UNC79: variants seen among roughly 807,000 people sequenced by gnomAD.
The protein encoded by UNC79 is unc-79 subunit of NALCN channel complex, also known as protein unc-79 homolog.
UNC79 carries 37 observed loss-of-function variants against 283.1 expected under a neutral mutation model. The ratio of observed to expected loss-of-function variants is 0.13; its 90% CI spans 0.10 to 0.17. The LOEUF (loss-of-function observed/expected upper bound fraction) is 0.17. Ranked by LOEUF, UNC79 falls within the 10% of genes least tolerant of loss-of-function variation. The probability of loss-of-function intolerance (pLI) is 1.00; values close to 1 mark genes in which losing one functional copy is unlikely to be tolerated. For missense variants in UNC79, 2,272 were observed against 3,211.1 expected (o/e 0.71, Z 7.07); for synonymous variants, 1,107 against 1,200.2 (o/e 0.92, Z 1.61).
In UNC79 at chr14:93,512,062, T is replaced by G. The variant is rs77219814; in HGVS notation, c.899-11916T>G. Among the ~76,000 whole-genome samples, 451 of 152,288 alleles carry G rather than the reference T, an allele frequency of 3.0e-3. 1 individual carries two copies. The highest frequency in any genetic ancestry group is 0.01 in the African/African-American group (428 of 41,560). On this transcript the variant is annotated intron_variant, in intron 7 of 48. Transcript: ENST00000555664. Reference sequence around the variant, plus strand: ...TTTACTAGCATTCATTTAAAAATATTTAAACACTTTAATTGCTCTATCTTT... The same window carrying G: ...TTTACTAGCATTCATTTAAAAATATGTAAACACTTTAATTGCTCTATCTTT...
At chr14:93,672,522 G>A (rs368669437) in intron 40 of UNC79, among the ~76,000 whole-genome samples, 2 of 152,174 alleles carry the variant, frequency 1.3e-5, no homozygotes, top group African/African-American at 4.8e-5. Flanking sequence ...AAGGGTGTGT[G>A]TGGGGAGGAT....
At chr14:93,654,355 G>T (rs1206587254) in intron 37 of UNC79, among the ~76,000 whole-genome samples, 1 of 151,712 alleles carries the variant, frequency 6.6e-6, no homozygotes, top group Non-Finnish European at 1.5e-5. Context: ...AAATTAGCTG[G>T]CATGGTGACA....
chr14:93,643,299 A>C (rs1217690517), intron 33 of UNC79, among the ~76,000 whole-genome samples: 1 of 152,216 alleles, frequency 6.6e-6, no homozygotes, highest in African/African-American at 2.4e-5. Flanking sequence ...AGTCACTCAC[A>C]TGCAGGCCAG....
At chr14:93,572,392 A>C (rs1469713879) in intron 15 of UNC79, among the ~76,000 whole-genome samples, 2 of 152,234 alleles carry the variant, frequency 1.3e-5, no homozygotes. Context: ...TGCAAAGGGA[A>C]ACTGTTTTAG....
rs368010965 is a variant in UNC79, at chr14:93,621,238, G to A, written c.4388-383G>A. On this transcript the variant is annotated intron_variant, in intron 29 of 48. Coordinates refer to ENST00000555664, the Ensembl canonical transcript of UNC79. This position sits in a 1 kb window ranked among gnomAD's most constrained non-coding sequence, Gnocchi z 4.8. ...CAGATACATCATTAATGTCATGATC[G>A]TCTTTGAGAGCCATTGCTTGATTTG... Among the ~76,000 whole-genome samples, 22 of 152,028 alleles carry A rather than the reference G, an allele frequency of 1.4e-4. No individual in the cohort carries two copies. The East Asian group carries it at 2.5e-3, about 17-fold the overall frequency.
intron 40 of UNC79, among the ~76,000 whole-genome samples, chr14:93,668,235 G>A (rs749741685): frequency 2.0e-5 from 3 of 152,142 alleles, no homozygotes; most frequent in Admixed American, 6.5e-5. Flanking sequence ...TAGGTGATAC[G>A]ATTACAAATG....
intron 26 of UNC79, 74 bp from the exon 28 acceptor site, chr14:93,612,723 A>T: frequency 6.5e-7 from 1 of 1,539,482 alleles, no homozygotes; most frequent in East Asian, 2.3e-5. Context: ...TGCCTTATCA[A>T]TATCTAAGAG....
intron 34 of UNC79, among the ~76,000 whole-genome samples, chr14:93,645,228 A>G (rs2069467811): frequency 6.6e-6 from 1 of 152,198 alleles, no homozygotes; most frequent in Non-Finnish European, 1.5e-5. Context: ...TGTTTGTTTT[A>G]ACATAAGTGA....
chr14:93,522,796 G>T (rs1242543345), intron 7 of UNC79, among the ~76,000 whole-genome samples: 1 of 151,974 alleles, frequency 6.6e-6, no homozygotes, highest in African/African-American at 2.4e-5. Flanking sequence ...TAGACCTGTT[G>T]TATATTTTTA....
At chr14:93,537,696 C>T (rs1025641327) in intron 11 of UNC79, among the ~76,000 whole-genome samples, 26 of 152,280 alleles carry the variant, frequency 1.7e-4, no homozygotes, top group African/African-American at 5.5e-4. Flanking sequence ...CAGAAAGTGT[C>T]CTCCTCCTCG....
intron 22 of UNC79, among the ~76,000 whole-genome samples, chr14:93,593,062 T>C (rs1299723181): frequency 1.3e-5 from 2 of 152,204 alleles, no homozygotes; most frequent in Non-Finnish European, 2.9e-5. Flanking sequence ...AGCCTCTTTC[T>C]CCCAGAGTGC....
At chr14:93,486,988 A>G (rs1042082365) in intron 4 of UNC79, among the ~76,000 whole-genome samples, 3 of 152,178 alleles carry the variant, frequency 2.0e-5, no homozygotes, top group African/African-American at 7.2e-5. Context: ...AAATTGCTTT[A>G]TTTCAAACAA....
At chr14:93,357,893 GGA>G (rs1168719461) in intron 1 of UNC79, among the ~76,000 whole-genome samples, 6,515 of 41,318 alleles carry the variant, frequency 0.16, 2,303 homozygotes, top group African/African-American at 0.4. Context: ...ATGGATATAT[GGA>G]GATATATATC....
At position 93,404,493 on chromosome 14, in the gene UNC79, A is replaced by AAAAAAAAAATAT; in HGVS notation, c.-350-63177_-350-63176insAAAAAAAATATA. Among the ~76,000 whole-genome samples, 103 of 61,496 alleles carry AAAAAAAAAATAT rather than the reference A, an allele frequency of 1.7e-3. 4 individuals are homozygous for AAAAAAAAAATAT. Among genetic ancestry groups the AAAAAAAAAATAT allele is most frequent in the Non-Finnish European group, 2.6e-3 (81 of 31,166 alleles). The allele number at this position is 61,496 out of a possible 152,430, so 40.3% of individuals were successfully genotyped here. A position where few individuals can be genotyped will look rare whatever the true frequency, so the allele number is the denominator to read the frequency against. On this transcript the variant is annotated intron_variant, in intron 1 of 49. Transcript: ENST00000256339. ...TGACAGAGTGAGACCTTCTAAAAAAAATATATATATATATATATATAAATA... is the reference window on the plus strand; with the variant it reads ...TGACAGAGTGAGACCTTCTAAAAAAAAAAAAAAAATATATATATATATATATATATATAAATA...
At chr14:93,579,400 C>G (rs2063654122) in intron 18 of UNC79, among the ~76,000 whole-genome samples, 1 of 152,180 alleles carries the variant, frequency 6.6e-6, no homozygotes. Flanking sequence ...ACTATCATGA[C>G]AGTCGAGTGA....
intron 30 of UNC79, among the ~76,000 whole-genome samples, chr14:93,624,325 T>C (rs76443896): frequency 0.014 from 2,181 of 152,318 alleles, 50 homozygotes; most frequent in African/African-American, 0.05. Flanking sequence ...AAAACGGTCC[T>C]TGTTCATAAC....
chr14:93,488,593 T>A (rs2140477824), intron 5 of UNC79, among the ~76,000 whole-genome samples: 1 of 152,346 alleles, frequency 6.6e-6, no homozygotes, highest in African/African-American at 2.4e-5. Flanking sequence ...ATCTGAATGC[T>A]TCTTAGTTTG....
intron 37 of UNC79, among the ~76,000 whole-genome samples, chr14:93,654,788 T>C (rs1228636305): frequency 6.6e-6 from 1 of 152,064 alleles, no homozygotes; most frequent in African/African-American, 2.4e-5. Flanking sequence ...GAGTGGTGGG[T>C]GGAGCTATGG....
rs2141850204 is a variant in UNC79 at position 93,586,743 on chromosome 14, T to A, written c.2884-17T>A. 6.2e-7 allele frequency: 1 copy of A among 1,613,140 alleles called. No homozygotes were observed. Among genetic ancestry groups the A allele is most frequent in the Non-Finnish European group, 8.5e-7 (1 of 1,179,710 alleles). On this transcript the variant is annotated splice_polypyrimidine_tract_variant and intron_variant, in intron 21 of 48. Coordinates refer to ENST00000555664, the Ensembl canonical transcript of UNC79. ...ACTGTTTTGGATAACTTAGTAACCA[T>A]GTGGTTTTTTGTATAGGAAATGGCT...
Sources: allele counts gnomAD v4.1 joint callset (sites outside exome capture counted in the v4.1 genomes callset), GRCh38; gene constraint gnomAD v4.1.1; non-coding constraint Gnocchi (gnomAD v3.1); transcripts MANE v1.5; gene names NCBI Gene and HGNC (gene_info 2026-07-23, HGNC 2026-07-21).